ABCB5: variants seen among roughly 807,000 people sequenced by gnomAD.
ABCB5 encodes ATP binding cassette subfamily B member 5, also known as ATP-binding cassette sub-family B member 5.
Under a neutral mutation model 144.2 loss-of-function variants are expected in ABCB5, and 155 were observed. That is an observed-to-expected ratio of 1.08 (90% CI 0.94 to 1.23). The LOEUF is 1.23. Among genes scored for constraint, ABCB5 ranks in the 50% most tolerant of loss-of-function variants. The pLI is 0.00. For synonymous variants in ABCB5, 610 were observed against 528.6 expected, an observed-to-expected ratio of 1.15 and a Z score of -2.11; for missense variants, 1,830 against 1,520.8, an observed-to-expected ratio of 1.20 and a Z score of -3.38.
chr7:20,659,739 G>A (rs1371145110), intron 14 of ABCB5: 91 of 985,564 alleles, frequency 9.2e-5, no homozygotes, highest in Non-Finnish European at 1.1e-4. Context: ...TTCAAGCCTC[G>A]CTCTGTCACC....
At chr7:20,632,524 G>A (rs1784059265) in intron 5 of ABCB5, among the ~76,000 whole-genome samples, 2 of 152,024 alleles carry the variant, frequency 1.3e-5, no homozygotes, top group East Asian at 1.9e-4. Flanking sequence ...TATACCCAAA[G>A]GACTATAAAT....
In ABCB5 at chr7:20,650,114, T is replaced by G; in HGVS notation, c.1299T>G (p.Leu433=). 6.2e-7 allele frequency: 1 copy of G among 1,613,628 alleles called. No homozygotes were observed. The change falls in exon 12 of 28, where the codon CTT becomes CTG. Residue 433 remains leucine (L), a synonymous_variant. Transcript: ENST00000404938. ...GTGGGAAGAGTACGGTAGTCCAGCT[T>G]CTGCAGAGGTTATATGATCCGGATG... is the stretch of plus-strand genomic sequence containing the variant. ...NGSGKSTVVQ[L]LQRLYDPDDG... is the part of the protein sequence containing the mutation.
chr7:20,652,513 T>G (rs1343065699), intron 13 of ABCB5, among the ~76,000 whole-genome samples: 1 of 152,104 alleles, frequency 6.6e-6, no homozygotes, highest in Non-Finnish European at 1.5e-5. Context: ...GAGATTGCAG[T>G]GAGCTGAGAT....
chr7:20,726,358 CTTTTTTTTTTT>C lies in ABCB5; in HGVS notation c.2626-668_2626-658del, dbSNP rs1172285058. On this transcript the variant is annotated intron_variant, in intron 21 of 27. Coordinates refer to ENST00000404938, the MANE Select transcript of ABCB5 (RefSeq NM_001163941.2). ...TATGTGATTACTTTATCTCTGCTAT[CTTTTTTTTTTT>C]TTTTTTTTTTTTTGAGACAGAGAAG... is the stretch of plus-strand genomic sequence containing the variant. 1.3e-4 allele frequency among the ~76,000 whole-genome samples: 10 copies of C among 78,436 alleles called. 1 individual carries two copies. The highest frequency in any genetic ancestry group is 2.2e-4 in the Non-Finnish European group (10 of 45,342). The allele number at this position is 78,436 out of a possible 152,430, so 51.5% of individuals were successfully genotyped here.
intron 15 of ABCB5, among the ~76,000 whole-genome samples, chr7:20,682,659 G>C (rs564939873): frequency 6.6e-6 from 1 of 152,174 alleles, no homozygotes. Context: ...GAGACTTAAC[G>C]TATGTAGGAA....
chr7:20,717,814 TC>T (rs1039213728), intron 20 of ABCB5, among the ~76,000 whole-genome samples: 19 of 149,336 alleles, frequency 1.3e-4, no homozygotes, highest in African/African-American at 4.4e-4. Context: ...AACTTAATTA[TC>T]CCTGTATCTA....
chr7:20,711,841 TTTCTTTTC>T (rs1431077886), intron 20 of ABCB5, among the ~76,000 whole-genome samples: 1 of 54,718 alleles, frequency 1.8e-5, no homozygotes, highest in African/African-American at 1.7e-4. Context: ...TCTTTCTTTC[TTTCTTTTC>T]TTTCTTTCTT....
intron 25 of ABCB5, among the ~76,000 whole-genome samples, chr7:20,744,624 AG>A (rs1357782286): frequency 3.6e-5 from 5 of 138,932 alleles, no homozygotes; most frequent in Admixed American, 3.5e-4. Context: ...CCATGGGGGG[AG>A]GGGGGAGGGA....
At chr7:20,630,285 T>C (rs1432530028) in intron 4 of ABCB5, among the ~76,000 whole-genome samples, 2 of 152,144 alleles carry the variant, frequency 1.3e-5, no homozygotes, top group African/African-American at 4.8e-5. Context: ...TCATCAACAT[T>C]AGCCTTTCTT....
At chr7:20,711,799 T>C in intron 20 of ABCB5, among the ~76,000 whole-genome samples, 1 of 39,338 alleles carries the variant, frequency 2.5e-5, no homozygotes, top group South Asian at 9.1e-4. Context: ...TTTCTTTCTT[T>C]CTTTCTTTCT....
intron 26 of ABCB5, among the ~76,000 whole-genome samples, chr7:20,748,171 G>C (rs1782789287): frequency 6.6e-6 from 1 of 152,194 alleles, no homozygotes; most frequent in Non-Finnish European, 1.5e-5. Context: ...GGGTTTCAGA[G>C]ATGGGAACAA....
At chr7:20,618,518 T>C (rs1278836814) in intron 1 of ABCB5, among the ~76,000 whole-genome samples, 1 of 152,136 alleles carries the variant, frequency 6.6e-6, no homozygotes, top group Admixed American at 6.5e-5. Context: ...GCCCAGGTAG[T>C]GAGCATAGTA....
At chr7:20,709,510 C>T (rs901950228) in intron 20 of ABCB5, among the ~76,000 whole-genome samples, 1 of 149,634 alleles carries the variant, frequency 6.7e-6, no homozygotes, top group Non-Finnish European at 1.5e-5. Context: ...AACTCACAGC[C>T]CACCGTTCCT....
Position 20,651,469 on chromosome 7 carries a change from G to C in ABCB5, c.1382G>C (p.Arg461Pro). ...DIRALNVRHYRDHIGVVSQEP... is the reference protein window; with the variant it reads ...DIRALNVRHYPDHIGVVSQEP... ...AGAGCTTTAAATGTGCGGCATTATC[G>C]AGACCATATTGGAGTGGTTAGTCAA... The change falls in exon 13 of 28, where the codon CGA (arginine) becomes CCA (proline). Residue 461 changes from arginine (R) to proline (P), a missense_variant. Transcript: ENST00000404938. 1.2e-6 allele frequency: 2 copies of C among 1,613,996 alleles called. No individual in the cohort carries two copies. The highest frequency in any genetic ancestry group is 1.1e-5 in the South Asian group (1 of 91,068).
At chr7:20,649,757 A>T (rs1045984647) in intron 11 of ABCB5, among the ~76,000 whole-genome samples, 3 of 152,338 alleles carry the variant, frequency 2.0e-5, no homozygotes, top group Middle Eastern at 3.4e-3. Flanking sequence ...TTTAGTTGAA[A>T]ATGTGAACAG....
intron 5 of ABCB5, among the ~76,000 whole-genome samples, chr7:20,636,704 G>T (rs1784164145): frequency 6.9e-6 from 1 of 145,348 alleles, no homozygotes; most frequent in East Asian, 2.0e-4. Context: ...AGAATCACCT[G>T]AACCTGGGAG....
At chr7:20,638,124 T>C (rs541718778) in intron 5 of ABCB5, among the ~76,000 whole-genome samples, 2 of 152,274 alleles carry the variant, frequency 1.3e-5, no homozygotes, top group African/African-American at 4.8e-5. Context: ...TTTTAAAAAG[T>C]GAGTCAGTGC....
chr7:20,729,629 G>A (rs1278047579), intron 23 of ABCB5, among the ~76,000 whole-genome samples: 1 of 152,238 alleles, frequency 6.6e-6, no homozygotes, highest in African/African-American at 2.4e-5. Context: ...TGAGCTGAGA[G>A]CCTAAAATAT....
chr7:20,754,500 A>G (rs1783024036), intron 27 of ABCB5, among the ~76,000 whole-genome samples: 1 of 152,242 alleles, frequency 6.6e-6, no homozygotes, highest in Non-Finnish European at 1.5e-5. Flanking sequence ...TTTAAATGAG[A>G]TATCCATCTT....
Sources: gnomAD v4.1 joint callset for allele counts (sites outside exome capture counted in the v4.1 genomes callset) on GRCh38, gnomAD v4.1.1 for gene constraint, MANE v1.5 for transcripts, NCBI Gene and HGNC (gene_info 2026-07-23, HGNC 2026-07-21) for gene names.